Variants in RSRC2 observed in about 807,000 individuals in gnomAD.
RSRC2 encodes the protein arginine/serine-rich coiled-coil protein 2.
RSRC2 carries 5 observed loss-of-function variants against 61.3 expected under a neutral mutation model. The observed-to-expected ratio is 0.08, with a 90% confidence interval of 0.04 to 0.17. The LOEUF (loss-of-function observed/expected upper bound fraction) is 0.17, where lower values mean the gene tolerates loss of function less well. RSRC2 is among the 10% of genes least tolerant of loss of function. The probability of loss-of-function intolerance (pLI) is 1.00; values close to 1 mark genes in which losing one functional copy is unlikely to be tolerated. For missense variants in RSRC2, 381 were observed against 518.8 expected, an observed-to-expected ratio of 0.73 and a Z score of 2.58; for synonymous variants, 202 against 166.5, an observed-to-expected ratio of 1.21 and a Z score of -1.64.
intron 6 of RSRC2, among the ~76,000 whole-genome samples, chr12:122,514,270 GT>G (rs71085815): frequency 8.1e-5 from 11 of 135,246 alleles, no homozygotes; most frequent in Non-Finnish European, 9.3e-5. Flanking sequence ...GTGTGTGTGT[GT>G]TTTTTTTTTT....
chr12:122,514,831 T>C (rs752515489), intron 6 of RSRC2: 59 of 737,876 alleles, frequency 8.0e-5, no homozygotes, highest in Non-Finnish European at 1.0e-4. Context: ...AAGTTTCAAA[T>C]GCAAACTGAA....
chr12:122,513,740 G>A (rs1263107073), intron 6 of RSRC2: 25 of 976,204 alleles, frequency 2.6e-5, no homozygotes, highest in Non-Finnish European at 3.0e-5. Context: ...ATTCACTAAG[G>A]TGAATGGAAA....
chr12:122,506,803 A>AC (rs751544149), intron 9 of RSRC2, 31 bp downstream of exon 9: 30 of 1,305,542 alleles, frequency 2.3e-5, no homozygotes, highest in Admixed American at 8.5e-5. Flanking sequence ...AATAGCTAAT[A>AC]CAAAGATCCC....
At chr12:122,511,063 G>T (rs901038712) in intron 7 of RSRC2, 46 bp downstream of exon 7, 2 of 1,421,756 alleles carry the variant, frequency 1.4e-6, no homozygotes, top group South Asian at 2.4e-5. Context: ...AAAAAAGCTT[G>T]AAAGAGCTCA....
At chr12:122,511,330 T>C in intron 6 of RSRC2, 142 bp from the exon 7 acceptor site, 2 of 549,240 alleles carry the variant, frequency 3.6e-6, no homozygotes, top group Non-Finnish European at 6.3e-6. Context: ...TAGCCGTATG[T>C]GAAGAAAAAG....
At chr12:122,522,035 G>C (rs1593419658) in intron 2 of RSRC2, 108 bp downstream of exon 2, 2 of 1,177,648 alleles carry the variant, frequency 1.7e-6, no homozygotes, top group East Asian at 2.5e-5. Flanking sequence ...TTACAGGCTT[G>C]AGCCACCATG....
chr12:122,520,657 T>C, intron 3 of RSRC2: 1 of 1,053,966 alleles, frequency 9.5e-7, no homozygotes. Context: ...CTCTCCTAAA[T>C]TAAAAATTTA....
At chr12:122,515,055 G>C in intron 6 of RSRC2, 50 bp downstream of exon 6, 2 of 1,579,076 alleles carry the variant, frequency 1.3e-6, no homozygotes, top group Non-Finnish European at 1.7e-6. Context: ...ACACAATTGA[G>C]CATTTATTTA....
In RSRC2 at chr12:122,508,206, A is replaced by G. The variant is rs1958256334; in HGVS notation, c.1035+12T>C. ...GGAATAAACGACAGAAAAGCAGAAT[A>G]AGAGAACTTACCCCTTCTTTCTTGC... On this transcript the variant is annotated intron_variant, in intron 8 of 9. Coordinates refer to ENST00000331738, the MANE Select transcript of RSRC2 (RefSeq NM_023012.6). 6.2e-7 allele frequency: 1 copy of G among 1,603,246 alleles called. No individual in the cohort carries two copies. Among genetic ancestry groups the G allele is most frequent in the African/African-American group, 1.3e-5 (1 of 74,714 alleles).
intron 1 of RSRC2, among the ~76,000 whole-genome samples, chr12:122,525,211 C>T (rs1959921644): frequency 6.6e-6 from 1 of 151,748 alleles, no homozygotes; most frequent in South Asian, 2.1e-4. Flanking sequence ...CCGTCTCTAC[C>T]AAAAATATAA....
At chr12:122,520,396 C>G in intron 3 of RSRC2, 1 of 643,156 alleles carries the variant, frequency 1.6e-6, no homozygotes, top group Non-Finnish European at 2.6e-6. Flanking sequence ...TTATTTCAAA[C>G]CAGTTTTTCA....
intron 5 of RSRC2, among the ~76,000 whole-genome samples, chr12:122,516,136 T>C (rs188142106): frequency 4.6e-5 from 7 of 152,306 alleles, no homozygotes; most frequent in African/African-American, 1.7e-4. Flanking sequence ...TGATAAATCA[T>C]AAAAACCAAG....
intron 8 of RSRC2, 111 bp downstream of exon 8, chr12:122,508,107 C>A: frequency 1.0e-6 from 1 of 989,924 alleles, no homozygotes; most frequent in South Asian, 1.3e-5. Flanking sequence ...TCTGGCCACC[C>A]CAGGTTCTTA....
At chr12:122,519,178 A>T (rs1342601737) in intron 3 of RSRC2, 149 bp from the exon 4 acceptor site, 6 of 619,336 alleles carry the variant, frequency 9.7e-6, no homozygotes, top group Non-Finnish European at 8.3e-6. Context: ...CACATCACCC[A>T]AATGTTGCAG....
At chr12:122,525,307 C>G (rs1959965197) in intron 1 of RSRC2, among the ~76,000 whole-genome samples, 1 of 152,092 alleles carries the variant, frequency 6.6e-6, no homozygotes, top group Admixed American at 6.5e-5. Flanking sequence ...ACCCGGGAGG[C>G]GGAGGTTGCA....
At position 122,505,847 on chromosome 12, in the gene RSRC2, C is replaced by T. The variant is rs566343642; in HGVS notation, c.1126-141G>A. 2.6e-5 allele frequency: 17 copies of T among 651,258 alleles called. 1 individual carries two copies. The East Asian group carries it at 2.8e-4, about 11-fold the overall frequency. The allele number at this position is 651,258 out of a possible 1,614,324, so 40.3% of individuals were successfully genotyped here. A position where few individuals can be genotyped will look rare whatever the true frequency, so the allele number is the denominator to read the frequency against. ...CGTCTGGAGTGCAGTGGTGCCATCT[C>T]GGCTCACTGCAACCTCTGCCTCCTG... On this transcript the variant is annotated intron_variant, in intron 9 of 9. Transcript: ENST00000331738.
chr12:122,511,322 G>A, intron 6 of RSRC2, 134 bp from the exon 7 acceptor site: 3 of 558,226 alleles, frequency 5.4e-6, no homozygotes, highest in Middle Eastern at 4.8e-4. Context: ...TCCACCGATA[G>A]CCGTATGTGA....
At chr12:122,508,587 G>A in intron 7 of RSRC2, 140 bp from the exon 8 acceptor site, 1 of 655,084 alleles carries the variant, frequency 1.5e-6, no homozygotes, top group South Asian at 1.9e-5. Context: ...AAATGACTGA[G>A]TATTAGCTCA....
chr12:122,524,827 A>G (rs975020574), intron 1 of RSRC2, among the ~76,000 whole-genome samples: 3 of 152,230 alleles, frequency 2.0e-5, no homozygotes, highest in Non-Finnish European at 4.4e-5. Flanking sequence ...ATTTAGTACT[A>G]ATCTATGTGT....
Sources: gnomAD v4.1 joint callset for allele counts (sites outside exome capture counted in the v4.1 genomes callset) on GRCh38, gnomAD v4.1.1 for gene constraint, MANE v1.5 for transcripts, NCBI Gene and HGNC (gene_info 2026-07-23, HGNC 2026-07-21) for gene names.